DIXDC1: variants seen among roughly 807,000 people sequenced by gnomAD.
The protein encoded by DIXDC1 is DIX domain containing 1.
Under a neutral mutation model 103.1 loss-of-function variants are expected in DIXDC1, and 64 were observed. The ratio of observed to expected loss-of-function variants is 0.62; its 90% CI spans 0.51 to 0.76. The LOEUF (loss-of-function observed/expected upper bound fraction) is 0.76. Ranked by LOEUF, DIXDC1 falls within the 30% of genes least tolerant of loss-of-function variation. DIXDC1 has a pLI of 0.00. For missense variants in DIXDC1, 759 were observed against 834.2 expected (o/e 0.91, Z 1.11); for synonymous variants, 266 against 298.5 (o/e 0.89, Z 1.12).
intron 2 of DIXDC1, among the ~76,000 whole-genome samples, chr11:111,967,454 C>CTGA (rs1859775336): frequency 6.6e-6 from 1 of 152,148 alleles, no homozygotes; most frequent in Non-Finnish European, 1.5e-5. Context: ...TACAATATAC[C>CTGA]TGATATCTAA....
chr11:112,007,488 C>T (rs1259459841), intron 17 of DIXDC1, among the ~76,000 whole-genome samples: 1 of 134,876 alleles, frequency 7.4e-6, no homozygotes, highest in Non-Finnish European at 1.7e-5. Flanking sequence ...GAAGAGCAAC[C>T]CCAAGACACA....
chr11:111,972,772 T>C (rs1301149424), intron 3 of DIXDC1, among the ~76,000 whole-genome samples: 2 of 152,082 alleles, frequency 1.3e-5, no homozygotes, highest in African/African-American at 4.8e-5. Flanking sequence ...GCAGGCCGGG[T>C]GCAGTGGCTC....
Position 111,976,483 on chromosome 11 carries a change from G to T in DIXDC1, c.656+1500G>T, listed in dbSNP as rs1449181978. ...GATTTTGACATTTTCTTCTAATGCT[G>T]ACCCCTCATCCAGCTCTTTGGCATG... On this transcript the variant is annotated intron_variant, in intron 5 of 19. Transcript: ENST00000440460. This position sits in a 1 kb window ranked among gnomAD's most constrained non-coding sequence, Gnocchi z 4.3. Among the ~76,000 whole-genome samples, 1 of 152,152 alleles carries T rather than the reference G, an allele frequency of 6.6e-6. No homozygotes were observed. Among genetic ancestry groups the T allele is most frequent in the East Asian group, 1.9e-4 (1 of 5,194 alleles).
chr11:111,931,809 T>A (rs918487650), intron 2 of DIXDC1, among the ~76,000 whole-genome samples: 2 of 152,202 alleles, frequency 1.3e-5, no homozygotes, highest in East Asian at 1.9e-4. Flanking sequence ...GAAATCAGGC[T>A]ACCTGTTGCA....
chr11:111,977,332 G>T lies in DIXDC1; in HGVS notation c.656+2349G>T. 1.9e-6 allele frequency: 2 copies of T among 1,058,516 alleles called. No homozygotes were observed. Among genetic ancestry groups the T allele is most frequent in the Non-Finnish European group, 2.3e-6 (2 of 876,142 alleles). The allele number at this position is 1,058,516 out of a possible 1,614,324, so 65.6% of individuals were successfully genotyped here. Reference sequence around the variant, plus strand: ...GGATCCGGAAGGTGGCACGGAGTGGGATCGCCGCTGGGGACTCGAGGCGCA... The same window carrying T: ...GGATCCGGAAGGTGGCACGGAGTGGTATCGCCGCTGGGGACTCGAGGCGCA... On this transcript the variant is annotated intron_variant, in intron 5 of 19. Transcript: ENST00000440460. The surrounding 1 kb of genome is among the most constrained non-coding windows in gnomAD (Gnocchi z 6.1).
chr11:111,957,317 AAATC>A (rs1859421238), intron 1 of DIXDC1, among the ~76,000 whole-genome samples: 1 of 152,258 alleles, frequency 6.6e-6, no homozygotes, highest in Admixed American at 6.5e-5. Context: ...CAGGAAAGAA[AAATC>A]AATAAATGTT....
intron 2 of DIXDC1, among the ~76,000 whole-genome samples, chr11:111,930,909 A>G (rs1965993751): frequency 7.6e-6 from 1 of 132,410 alleles, no homozygotes; most frequent in Admixed American, 8.8e-5. Flanking sequence ...GCTGGAGTTC[A>G]GTGGCACCAT....
chr11:111,951,708 A>G (rs1555169990), intron 1 of DIXDC1, among the ~76,000 whole-genome samples: 1 of 151,766 alleles, frequency 6.6e-6, no homozygotes, highest in African/African-American at 2.4e-5. Context: ...TAGTGAATAA[A>G]CCTCACGATA....
intron 2 of DIXDC1, among the ~76,000 whole-genome samples, chr11:111,966,693 G>A (rs1293781899): frequency 2.0e-5 from 3 of 152,140 alleles, no homozygotes; most frequent in African/African-American, 7.2e-5. Flanking sequence ...GTGAGCCACC[G>A]CGTCCAGCCA....
chr11:111,948,369 C>T (rs1375371742), intron 1 of DIXDC1, among the ~76,000 whole-genome samples: 3 of 152,224 alleles, frequency 2.0e-5, no homozygotes, highest in Non-Finnish European at 4.4e-5. Flanking sequence ...TATCCACTGT[C>T]TCTTAATTTC....
intron 14 of DIXDC1, 132 bp from the exon 15 acceptor site, chr11:111,994,887 A>C (rs1555175128): frequency 1.2e-6 from 1 of 852,300 alleles, no homozygotes; most frequent in African/African-American, 1.7e-5. Context: ...GATACATTCT[A>C]ATAAAGAGAG....
At chr11:111,944,443 G>A (rs1374002678) in intron 1 of DIXDC1, among the ~76,000 whole-genome samples, 1 of 152,212 alleles carries the variant, frequency 6.6e-6, no homozygotes, top group Non-Finnish European at 1.5e-5. Flanking sequence ...GTGAGCTTGA[G>A]TCTTGGAGGA....
chr11:111,980,644 A>G, intron 5 of DIXDC1, 93 bp from the exon 6 acceptor site: 1 of 979,900 alleles, frequency 1.0e-6, no homozygotes, highest in African/African-American at 1.6e-5. Flanking sequence ...GATGAATAAG[A>G]ACATGTCCCT....
chr11:111,983,308 T>C (rs1555173504), intron 7 of DIXDC1, among the ~76,000 whole-genome samples: 1 of 152,218 alleles, frequency 6.6e-6, no homozygotes, highest in Non-Finnish European at 1.5e-5. Flanking sequence ...TGCTCCCAGC[T>C]AGCCTGCAAC....
At chr11:111,953,510 TGCCTGTAATCCCA>T (rs1966851115) in intron 1 of DIXDC1, among the ~76,000 whole-genome samples, 1 of 151,976 alleles carries the variant, frequency 6.6e-6, no homozygotes. Flanking sequence ...TGGTGGCACG[TGCCTGTAATCCCA>T]GCTACTCAGG....
chr11:111,936,991 GTGTGTGTATGTGTGTA>G (rs782679437), upstream of DIXDC1, among the ~76,000 whole-genome samples: 4 of 151,072 alleles, frequency 2.6e-5, no homozygotes, highest in South Asian at 2.1e-4. Flanking sequence ...GTCAACGTGT[GTGTGTGTATGTGTGTA>G]TGTGTGTATG....
In DIXDC1 at chr11:111,968,561, A is replaced by G; in HGVS notation, c.239A>G (p.Glu80Gly). The change falls in exon 3 of 20, where the codon GAG becomes GGG. Residue 80 changes from glutamate to glycine, a missense_variant. Transcript: ENST00000440460. Reference protein sequence around the residue: ...GVQLSPGNQQEMKNNVEKVLQ... With the variant: ...GVQLSPGNQQGMKNNVEKVLQ... ...CAGCTGAGTCCCGGTAACCAACAGG[A>G]GATGAAGAATAATGTGGAGAAAGTG... The G allele has an allele frequency of 6.2e-7, 1 of 1,613,244 alleles. No individual in the cohort carries two copies. Among genetic ancestry groups the G allele is most frequent in the Middle Eastern group, 1.6e-4 (1 of 6,062 alleles).
At chr11:111,957,012 T>A (rs181785765) in intron 1 of DIXDC1, among the ~76,000 whole-genome samples, 4,477 of 145,002 alleles carry the variant, frequency 0.031, 121 homozygotes, top group African/African-American at 0.093. Context: ...ATAAAAAAAA[T>A]AATAATAATA....
intron 12 of DIXDC1, among the ~76,000 whole-genome samples, chr11:111,993,213 A>C (rs1555174755): frequency 6.6e-6 from 1 of 152,150 alleles, no homozygotes; most frequent in African/African-American, 2.4e-5. Context: ...GTACAGGACT[A>C]GGGGTCTAGA....
Sources: gnomAD v4.1 joint callset for allele counts (sites outside exome capture counted in the v4.1 genomes callset) on GRCh38, gnomAD v4.1.1 for gene constraint, Gnocchi (gnomAD v3.1) non-coding constraint, MANE v1.5 for transcripts, NCBI Gene and HGNC (gene_info 2026-07-23, HGNC 2026-07-21) for gene names.